The following PTPRT variants were observed in gnomAD, a reference collection of about 807,000 sequenced individuals.
PTPRT encodes receptor-type tyrosine-protein phosphatase T.
PTPRT carries 56 observed loss-of-function variants against 176.8 expected under a neutral mutation model. That is an observed-to-expected ratio of 0.32 (90% CI 0.26 to 0.40). PTPRT has a LOEUF of 0.40. PTPRT is among the 10% of genes least tolerant of loss of function. The probability of loss-of-function intolerance (pLI) is 1.00; values close to 1 mark genes in which losing one functional copy is unlikely to be tolerated. For missense variants in PTPRT, 1,540 were observed against 1,908.2 expected, an observed-to-expected ratio of 0.81 and a Z score of 3.60; for synonymous variants, 783 against 739.0, an observed-to-expected ratio of 1.06 and a Z score of -0.96.
At chr20:42,202,368 G>A (rs903409531) in intron 15 of PTPRT, among the ~76,000 whole-genome samples, 1 of 152,080 alleles carries the variant, frequency 6.6e-6, no homozygotes, top group Non-Finnish European at 1.5e-5. Flanking sequence ...AGTTGGCTCG[G>A]GGAAAGAAAG....
intron 9 of PTPRT, among the ~76,000 whole-genome samples, chr20:42,405,794 T>A (rs545792631): frequency 3.9e-4 from 59 of 152,308 alleles, no homozygotes; most frequent in Middle Eastern, 6.8e-3. Context: ...GTTGAACTAG[T>A]TTACAGTCCC....
At chr20:42,853,087 G>T (rs1257390399) in intron 2 of PTPRT, among the ~76,000 whole-genome samples, 3 of 152,120 alleles carry the variant, frequency 2.0e-5, no homozygotes, top group Non-Finnish European at 2.9e-5. Context: ...TAAATCTCAG[G>T]CACCCTTTGG....
At position 42,074,558 on chromosome 20, in the gene PTPRT, C is replaced by T. The variant is rs1982590025; in HGVS notation, c.*6321G>A. 2.6e-6 allele frequency: 1 copy of T among 384,748 alleles called. No homozygotes were observed. The highest frequency in any genetic ancestry group is 1.5e-4 in the South Asian group (1 of 6,874). The allele number at this position is 384,748 out of a possible 1,614,324, so 23.8% of individuals were successfully genotyped here. On this transcript the variant is annotated 3_prime_UTR_variant, in exon 31 of 31. Coordinates refer to ENST00000373187, the MANE Select transcript of PTPRT (RefSeq NM_007050.6). ...CAGTTCTCAGATATAGAAGGAAGCC[C>T]CATAATGATCAAGCCCCTAAAACTC...
At chr20:42,216,032 G>A (rs191055508) in intron 15 of PTPRT, among the ~76,000 whole-genome samples, 28 of 152,276 alleles carry the variant, frequency 1.8e-4, no homozygotes, top group Admixed American at 2.0e-4. Context: ...TTTATCCCAA[G>A]CAACCGCTTC....
At chr20:43,163,439 C>T (rs972335522) in intron 1 of PTPRT, among the ~76,000 whole-genome samples, 1 of 152,106 alleles carries the variant, frequency 6.6e-6, no homozygotes. Context: ...GAGATCAAGA[C>T]CATCCTGGCT....
At chr20:42,270,379 CAG>C (rs2146999017) in intron 13 of PTPRT, 8 of 1,541,426 alleles carry the variant, frequency 5.2e-6, no homozygotes, top group Non-Finnish European at 6.1e-6. Flanking sequence ...CCCACCCGCC[CAG>C]GGCTCTGGTG....
chr20:42,651,890 T>C (rs1275914936), intron 7 of PTPRT, among the ~76,000 whole-genome samples: 2 of 151,392 alleles, frequency 1.3e-5, no homozygotes, highest in East Asian at 3.9e-4. Flanking sequence ...TTACTAAAAC[T>C]AAAAAAAATT....
At chr20:42,681,683 C>T (rs943907115) in intron 6 of PTPRT, among the ~76,000 whole-genome samples, 1 of 152,170 alleles carries the variant, frequency 6.6e-6, no homozygotes, top group Admixed American at 6.6e-5. Flanking sequence ...GCTCCCCTTC[C>T]AGCCTTCACT....
chr20:42,085,576 C>G, intron 28 of PTPRT, 152 bp downstream of exon 28: 1 of 1,178,836 alleles, frequency 8.5e-7, no homozygotes, highest in Middle Eastern at 3.0e-4. Context: ...GAGTCTGGAG[C>G]CGGAATCAGC....
At chr20:42,212,404 A>T in intron 15 of PTPRT, among the ~76,000 whole-genome samples, 1 of 137,458 alleles carries the variant, frequency 7.3e-6, no homozygotes, top group Non-Finnish European at 1.5e-5. Context: ...TGACCCAATT[A>T]GTCTTTTTTC....
intron 7 of PTPRT, among the ~76,000 whole-genome samples, chr20:42,560,953 T>G (rs770827596): frequency 1.3e-5 from 2 of 152,142 alleles, no homozygotes; most frequent in African/African-American, 2.4e-5. Flanking sequence ...CAGCCTCTTT[T>G]TATAATGACT....
chr20:43,150,613 T>C (rs1370904207), intron 1 of PTPRT, among the ~76,000 whole-genome samples: 3 of 152,140 alleles, frequency 2.0e-5, no homozygotes, highest in Non-Finnish European at 2.9e-5. Context: ...CGTGTCACCA[T>C]GCCCAGCTAA....
intron 13 of PTPRT, among the ~76,000 whole-genome samples, chr20:42,267,093 T>G (rs1251940687): frequency 3.3e-5 from 5 of 152,222 alleles, no homozygotes; most frequent in African/African-American, 1.2e-4. Context: ...TTTACAATGC[T>G]GCTGAGAAAG....
intron 15 of PTPRT, among the ~76,000 whole-genome samples, chr20:42,221,038 C>G (rs145448315): frequency 3.0e-4 from 45 of 152,274 alleles, no homozygotes; most frequent in African/African-American, 1.0e-3. Flanking sequence ...CTCACTCTGT[C>G]TCCCAGGCTA....
chr20:42,114,512 C>A (rs1987172205), intron 22 of PTPRT, among the ~76,000 whole-genome samples: 1 of 152,184 alleles, frequency 6.6e-6, no homozygotes, highest in African/African-American at 2.4e-5. Context: ...CAGCCCTGGC[C>A]TCCTTTTAAT....
intron 7 of PTPRT, among the ~76,000 whole-genome samples, chr20:42,504,875 G>C (rs1452636006): frequency 6.6e-6 from 1 of 151,972 alleles, no homozygotes; most frequent in Non-Finnish European, 1.5e-5. Flanking sequence ...TCTAGCCTTT[G>C]GTCCTCCAAA....
intron 12 of PTPRT, among the ~76,000 whole-genome samples, chr20:42,284,969 A>C (rs2057205213): frequency 6.6e-6 from 1 of 151,884 alleles, no homozygotes. Context: ...ATGAAAAAAA[A>C]AAAAAGGAAA....
chr20:42,554,559 G>T (rs1192938820), intron 7 of PTPRT, among the ~76,000 whole-genome samples: 2 of 152,216 alleles, frequency 1.3e-5, no homozygotes, highest in African/African-American at 2.4e-5. Context: ...ATGCTGGGAT[G>T]AATAAATATT....
chr20:42,547,652 T>C (rs2072699128), intron 7 of PTPRT, among the ~76,000 whole-genome samples: 1 of 152,048 alleles, frequency 6.6e-6, no homozygotes, highest in African/African-American at 2.4e-5. Flanking sequence ...GTAAATAGTA[T>C]ACATTTTTGA....
Sources: allele counts gnomAD v4.1 joint callset (sites outside exome capture counted in the v4.1 genomes callset), GRCh38; gene constraint gnomAD v4.1.1; transcripts MANE v1.5; gene names NCBI Gene and HGNC (gene_info 2026-07-23, HGNC 2026-07-21).